The following BTBD9 variants were observed in gnomAD, a reference collection of about 807,000 sequenced individuals.
The protein encoded by BTBD9 is BTB/POZ domain-containing protein 9.
In BTBD9, 49 loss-of-function variants were observed where a neutral mutation model predicts 64.3. The ratio of observed to expected loss-of-function variants is 0.76; its 90% confidence interval spans 0.61 to 0.97. The LOEUF (loss-of-function observed/expected upper bound fraction) is 0.97, where lower values mean the gene tolerates loss of function less well. Among genes scored for constraint, BTBD9 ranks in the 50% least tolerant of loss-of-function variants. BTBD9 has a pLI of 0.00. For synonymous variants in BTBD9, 260 were observed against 274.7 expected, an observed-to-expected ratio of 0.95 and a Z score of 0.53; for missense variants, 598 against 762.1, an observed-to-expected ratio of 0.78 and a Z score of 2.53.
At chr6:38,360,421 A>T (rs1278823891) in intron 6 of BTBD9, among the ~76,000 whole-genome samples, 1 of 152,160 alleles carries the variant, frequency 6.6e-6, no homozygotes, top group Non-Finnish European at 1.5e-5. Context: ...GATATGAAAA[A>T]ATATATGAAC....
rs192149178 is a variant in BTBD9, at chr6:38,326,547, C to T, written c.1264+18437G>A. 1.2e-4 allele frequency among the ~76,000 whole-genome samples: 19 copies of T among 152,100 alleles called. No homozygotes were observed. The East Asian group carries it at 2.7e-3, about 22-fold the overall frequency. ...GGTGAGGAGAGGTGGTGGTGGCTTGCGCTAGGGTGGCAGTAGCAGTAGTGA... is the reference window on the plus strand; with the variant it reads ...GGTGAGGAGAGGTGGTGGTGGCTTGTGCTAGGGTGGCAGTAGCAGTAGTGA... On this transcript the variant is annotated intron_variant, in intron 7 of 10. Coordinates refer to ENST00000481247, the MANE Select transcript of BTBD9 (RefSeq NM_001099272.2).
chr6:38,224,444 C>A (rs1391014839), intron 9 of BTBD9, among the ~76,000 whole-genome samples: 1 of 152,194 alleles, frequency 6.6e-6, no homozygotes, highest in African/African-American at 2.4e-5. Context: ...CTGTCCAAAT[C>A]CAATGCTACT....
chr6:38,631,431 C>T (rs925871224), intron 1 of BTBD9, among the ~76,000 whole-genome samples: 11 of 152,192 alleles, frequency 7.2e-5, no homozygotes, highest in Non-Finnish European at 1.5e-4. Flanking sequence ...TGAGTATGGG[C>T]TAGACTTAGT....
chr6:38,299,665 G>T (rs1762308983), intron 7 of BTBD9, among the ~76,000 whole-genome samples: 1 of 152,196 alleles, frequency 6.6e-6, no homozygotes, highest in African/African-American at 2.4e-5. Context: ...CTTTTGAGAA[G>T]TGTCTGTTCA....
At chr6:38,338,818 TA>T (rs2127586417) in intron 7 of BTBD9, among the ~76,000 whole-genome samples, 1 of 152,122 alleles carries the variant, frequency 6.6e-6, no homozygotes, top group African/African-American at 2.4e-5. Flanking sequence ...AAGAGCCATT[TA>T]AAAAAGAAAA....
At chr6:38,377,454 T>C (rs1400294223) in intron 6 of BTBD9, among the ~76,000 whole-genome samples, 1 of 152,198 alleles carries the variant, frequency 6.6e-6, no homozygotes, top group Non-Finnish European at 1.5e-5. Context: ...CTGTTACAGC[T>C]GAGGCCAAAG....
chr6:38,616,109 T>C (rs928994146), intron 1 of BTBD9, among the ~76,000 whole-genome samples: 5 of 152,188 alleles, frequency 3.3e-5, no homozygotes, highest in African/African-American at 9.7e-5. Flanking sequence ...GAGAGGCCCA[T>C]TGGCTAGGAC....
At chr6:38,430,432 C>A (rs1232659210) in intron 6 of BTBD9, among the ~76,000 whole-genome samples, 1 of 151,534 alleles carries the variant, frequency 6.6e-6, no homozygotes, top group African/African-American at 2.4e-5. Flanking sequence ...ATTATGCTGC[C>A]CAGGCTCATC....
chr6:38,559,515 C>T (rs758957183), intron 6 of BTBD9, among the ~76,000 whole-genome samples: 4 of 152,138 alleles, frequency 2.6e-5, no homozygotes, highest in Admixed American at 2.0e-4. Context: ...ATGCAATCTA[C>T]AGACTCAATG....
intron 8 of BTBD9, among the ~76,000 whole-genome samples, chr6:38,265,350 G>C (rs894300004): frequency 4.6e-5 from 7 of 151,878 alleles, no homozygotes; most frequent in African/African-American, 1.7e-4. Flanking sequence ...TTTATTTAAA[G>C]CCCACATACC....
chr6:38,213,727 A>T (rs1762912711), intron 9 of BTBD9, among the ~76,000 whole-genome samples: 1 of 152,196 alleles, frequency 6.6e-6, no homozygotes, highest in African/African-American at 2.4e-5. Flanking sequence ...CACGCCTGTA[A>T]TCCCAGCACT....
intron 6 of BTBD9, among the ~76,000 whole-genome samples, chr6:38,535,751 C>G (rs1773997431): frequency 6.6e-6 from 1 of 152,068 alleles, no homozygotes; most frequent in African/African-American, 2.4e-5. Flanking sequence ...AACACATACA[C>G]TGGGAAAAGG....
chr6:38,335,344 C>T (rs1414584732), intron 7 of BTBD9, among the ~76,000 whole-genome samples: 1 of 151,544 alleles, frequency 6.6e-6, no homozygotes, highest in Non-Finnish European at 1.5e-5. Flanking sequence ...CCTCCGCCTC[C>T]TGGGTTCAAA....
At chr6:38,478,714 C>T (rs1287135972) in intron 6 of BTBD9, among the ~76,000 whole-genome samples, 2 of 152,158 alleles carry the variant, frequency 1.3e-5, no homozygotes, top group Non-Finnish European at 2.9e-5. Context: ...TCAGAAGCTA[C>T]AGGGAAGAGC....
At chr6:38,297,026 T>C (rs1043653767) in intron 7 of BTBD9, among the ~76,000 whole-genome samples, 7 of 152,210 alleles carry the variant, frequency 4.6e-5, no homozygotes, top group African/African-American at 1.7e-4. Flanking sequence ...TTGCCAATTG[T>C]ATTATTCGAA....
chr6:38,428,715 C>CT lies in BTBD9; in HGVS notation c.1155-83623dup, dbSNP rs1168857802. Among the ~76,000 whole-genome samples, 979 of 138,162 alleles carry CT rather than the reference C, an allele frequency of 7.1e-3. 5 individuals are homozygous for CT. Among genetic ancestry groups the CT allele is most frequent in the Middle Eastern group, 0.015 (4 of 266 alleles). The allele number at this position is 138,162 out of a possible 152,430, so 90.6% of individuals were successfully genotyped here. On this transcript the variant is annotated intron_variant, in intron 6 of 10. Coordinates refer to ENST00000481247, the MANE Select transcript of BTBD9 (RefSeq NM_001099272.2). ...GCATTGGAATGATTTTTCGTTTTTT[C>CT]TTTTTTTTTTTTTTTGAGATGGAGT...
chr6:38,396,551 T>C (rs1766682781), intron 6 of BTBD9, among the ~76,000 whole-genome samples: 1 of 152,222 alleles, frequency 6.6e-6, no homozygotes, highest in East Asian at 1.9e-4. Flanking sequence ...TATCATACTT[T>C]TCCCTCCTTG....
rs141975247 is a variant in BTBD9 at position 38,592,520 on chromosome 6, T to C, written c.814+56A>G. ...TTCTGTAGTAGCTTTGCGGTTTTAA[T>C]GGCATGAGAGGCATACCAAGCTTCT... is the stretch of plus-strand genomic sequence containing the variant. On this transcript the variant is annotated intron_variant, in intron 4 of 10. Coordinates refer to ENST00000481247, the MANE Select transcript of BTBD9 (RefSeq NM_001099272.2). The C allele has an allele frequency of 4.0e-4, 635 of 1,589,892 alleles. 6 individuals are homozygous for C. In the African/African-American group the frequency reaches 7.7e-3, roughly 19 times the overall value.
intron 6 of BTBD9, among the ~76,000 whole-genome samples, chr6:38,525,388 C>T (rs547450052): frequency 5.3e-5 from 8 of 152,292 alleles, no homozygotes; most frequent in Non-Finnish European, 7.3e-5. Flanking sequence ...AAAAATTACC[C>T]GGTCTCAGGT....
Sources: gnomAD v4.1 joint callset for allele counts (sites outside exome capture counted in the v4.1 genomes callset) on GRCh38, gnomAD v4.1.1 for gene constraint, MANE v1.5 for transcripts, NCBI Gene and HGNC (gene_info 2026-07-23, HGNC 2026-07-21) for gene names.